The following NEK11 variants were observed in gnomAD, a reference collection of about 807,000 sequenced individuals.
NEK11 encodes NIMA related kinase 11.
Under a neutral mutation model 80.7 loss-of-function variants are expected in NEK11, and 72 were observed. The ratio of observed to expected loss-of-function variants is 0.89; its 90% confidence interval spans 0.74 to 1.08. The LOEUF (loss-of-function observed/expected upper bound fraction) is 1.08, where lower values mean the gene tolerates loss of function less well. Among genes scored for constraint, NEK11 ranks in the 50% least tolerant of loss-of-function variants. NEK11 has a pLI of 0.00. For missense variants in NEK11, 764 were observed against 763.6 expected (o/e 1.00, Z -0.01); for synonymous variants, 251 against 260.7 (o/e 0.96, Z 0.36).
chr3:131,229,345 A>G (rs1168270173), intron 15 of NEK11, among the ~76,000 whole-genome samples: 1 of 152,172 alleles, frequency 6.6e-6, no homozygotes, highest in African/African-American at 2.4e-5. Flanking sequence ...GCAACAGAGG[A>G]ATAAAAAGCA....
At chr3:131,238,432 G>A (rs905736990) in intron 15 of NEK11, among the ~76,000 whole-genome samples, 2 of 152,106 alleles carry the variant, frequency 1.3e-5, no homozygotes, top group African/African-American at 2.4e-5. Flanking sequence ...TGTGGAATAC[G>A]TGAATGAATG....
At chr3:131,043,657 C>T (rs1014103136) in intron 3 of NEK11, among the ~76,000 whole-genome samples, 13 of 152,208 alleles carry the variant, frequency 8.5e-5, no homozygotes, top group African/African-American at 7.2e-5. Flanking sequence ...CTGTAAGGGA[C>T]GGGGAGAATG....
intron 16 of NEK11, among the ~76,000 whole-genome samples, chr3:131,270,777 C>G (rs1287940174): frequency 6.6e-6 from 1 of 152,136 alleles, no homozygotes; most frequent in Non-Finnish European, 1.5e-5. Flanking sequence ...GAAACTGTAG[C>G]CAGCTTAAAA....
chr3:131,220,665 C>T (rs2094989402), intron 14 of NEK11, among the ~76,000 whole-genome samples: 1 of 152,174 alleles, frequency 6.6e-6, no homozygotes. Context: ...CTTTTGGTAG[C>T]TGCCTTCTGC....
At chr3:131,228,127 C>T (rs74713877) in intron 14 of NEK11, among the ~76,000 whole-genome samples, 1 of 152,082 alleles carries the variant, frequency 6.6e-6, no homozygotes, top group African/African-American at 2.4e-5. Context: ...TTTGCTCCAA[C>T]TTCCTATGCT....
chr3:131,171,941 G>A (rs1017512927), intron 14 of NEK11, among the ~76,000 whole-genome samples: 4 of 152,170 alleles, frequency 2.6e-5, no homozygotes, highest in Admixed American at 6.5e-5. Context: ...CAATTGCAAC[G>A]TTACTTTTAG....
At chr3:131,197,692 C>T (rs1279656839) in intron 14 of NEK11, among the ~76,000 whole-genome samples, 1 of 152,060 alleles carries the variant, frequency 6.6e-6, no homozygotes, top group Non-Finnish European at 1.5e-5. Flanking sequence ...AAATATTTTT[C>T]CTTCTCTGGT....
At chr3:131,054,707 A>G (rs911833346) in intron 3 of NEK11, 2 of 151,904 alleles carry the variant, frequency 1.3e-5, no homozygotes, top group African/African-American at 4.8e-5. Flanking sequence ...CAGTGAGCCT[A>G]GATTGCGCCA....
intron 17 of NEK11, among the ~76,000 whole-genome samples, chr3:131,324,067 G>T (rs138853746): frequency 5.8e-4 from 88 of 152,316 alleles, no homozygotes; most frequent in African/African-American, 2.1e-3. Flanking sequence ...GGCAAGGAAG[G>T]CTTTATTCAA....
intron 3 of NEK11, among the ~76,000 whole-genome samples, chr3:131,078,563 A>G (rs1450088228): frequency 6.6e-6 from 1 of 152,152 alleles, no homozygotes; most frequent in Non-Finnish European, 1.5e-5. Context: ...GACCCTGAAT[A>G]TGAAACAAGA....
chr3:131,341,858 T>C (rs997453388), intron 17 of NEK11, among the ~76,000 whole-genome samples: 1 of 152,232 alleles, frequency 6.6e-6, no homozygotes, highest in Non-Finnish European at 1.5e-5. Flanking sequence ...AAAATTATTT[T>C]ACTTTCAATC....
chr3:131,052,614 C>CGTAT (rs1430226567), intron 3 of NEK11, among the ~76,000 whole-genome samples: 3 of 152,112 alleles, frequency 2.0e-5, no homozygotes, highest in South Asian at 4.2e-4. Context: ...ACCTTGCCAC[C>CGTAT]GTATGTCTCT....
At chr3:131,069,076 C>T (rs1387849424) in intron 3 of NEK11, among the ~76,000 whole-genome samples, 1 of 151,968 alleles carries the variant, frequency 6.6e-6, no homozygotes, top group African/African-American at 2.4e-5. Flanking sequence ...TTAAGACAGC[C>T]AAACCACTGC....
chr3:131,118,294 T>C (rs568652652), intron 5 of NEK11, among the ~76,000 whole-genome samples: 17 of 152,322 alleles, frequency 1.1e-4, no homozygotes, highest in African/African-American at 3.4e-4. Flanking sequence ...TTGCATATGT[T>C]GAACCAGCCT....
rs115317248 is a variant in NEK11, at chr3:131,046,391, C to A, written c.170+16513C>A. On this transcript the variant is annotated intron_variant, in intron 3 of 17. Transcript: ENST00000383366. ...GCTTAGTTTCACTGAATACAAAATT[C>A]CTGGCTGATAATTATTTTCTTTTAG... Among the ~76,000 whole-genome samples the A allele has an allele frequency of 3.5e-3, 528 of 152,118 alleles. 1 individual carries two copies. Among genetic ancestry groups the A allele is most frequent in the African/African-American group, 0.012 (502 of 41,516 alleles).
chr3:131,112,932 A>T (rs1045309144), intron 5 of NEK11, among the ~76,000 whole-genome samples: 58 of 152,182 alleles, frequency 3.8e-4, no homozygotes, highest in African/African-American at 1.3e-3. Flanking sequence ...TTTTGAGTGG[A>T]GTTATATAAT....
intron 3 of NEK11, among the ~76,000 whole-genome samples, chr3:131,077,185 G>A (rs1048593058): frequency 4.6e-5 from 7 of 152,162 alleles, no homozygotes; most frequent in African/African-American, 1.7e-4. Context: ...TTTCTCCTGA[G>A]TTGAGGCTCT....
chr3:131,133,223 A>G (rs1044650602), intron 6 of NEK11: 1 of 454,190 alleles, frequency 2.2e-6, no homozygotes, highest in Admixed American at 2.4e-5. Context: ...AAATGTTGAT[A>G]TAATGGCTTT....
intron 14 of NEK11, among the ~76,000 whole-genome samples, chr3:131,214,372 T>C (rs1277846664): frequency 6.6e-6 from 1 of 152,182 alleles, no homozygotes; most frequent in East Asian, 1.9e-4. Context: ...ACGAGTTGTC[T>C]TCTGCCTCCA....
Sources: gnomAD v4.1 joint callset for allele counts (sites outside exome capture counted in the v4.1 genomes callset) on GRCh38, gnomAD v4.1.1 for gene constraint, MANE v1.5 for transcripts, NCBI Gene and HGNC (gene_info 2026-07-23, HGNC 2026-07-21) for gene names.